The following CSMD1 variants were observed in gnomAD, a reference collection of about 807,000 sequenced individuals.
The protein encoded by CSMD1 is CUB and sushi domain-containing protein 1.
In CSMD1, 213 loss-of-function variants were observed where a neutral mutation model predicts 417.5. The observed-to-expected ratio is 0.51, with a 90% CI of 0.46 to 0.57. The LOEUF is 0.57. Among genes scored for constraint, CSMD1 ranks in the 20% least tolerant of loss-of-function variants. The pLI is 0.00. For missense variants in CSMD1, 6,923 were observed against 4,529.7 expected, an observed-to-expected ratio of 1.53 and a Z score of -15.17; for synonymous variants, 2,862 against 1,736.8, an observed-to-expected ratio of 1.65 and a Z score of -16.11.
chr8:2,974,739 A>T (rs1442232581), intron 55 of CSMD1, 115 bp from the exon 56 acceptor site: 1 of 593,128 alleles, frequency 1.7e-6, no homozygotes, highest in African/African-American at 1.9e-5. Context: ...AAAACACCTA[A>T]ATATTCTGGT....
chr8:3,648,791 CTT>C (rs1370555329), intron 7 of CSMD1, among the ~76,000 whole-genome samples: 4 of 151,778 alleles, frequency 2.6e-5, no homozygotes, highest in African/African-American at 9.7e-5. Context: ...TAAAACCTAT[CTT>C]TACGCGGCAC....
Position 3,348,040 on chromosome 8 carries a change from G to A in CSMD1, c.3426C>T (p.Ile1142=). Residue 1142 remains isoleucine, a synonymous_variant, in exon 22 of 70, where the codon ATC becomes ATT. Coordinates refer to ENST00000635120, the MANE Select transcript of CSMD1 (RefSeq NM_033225.6). ...YKIETEAGKG[I]HLRTRSFQLF... ...GCTGGAAGCTTCGTGTTCTAAGGTG[G>A]ATGCCCTTGCCGGCTTCTGTTTCTA... is the stretch of plus-strand genomic sequence containing the variant. The A allele has an allele frequency of 3.1e-6, 5 of 1,610,114 alleles. No individual in the cohort carries two copies. Among genetic ancestry groups the A allele is most frequent in the Non-Finnish European group, 4.2e-6 (5 of 1,178,002 alleles).
At chr8:4,320,108 C>T (rs1358271341) in intron 3 of CSMD1, among the ~76,000 whole-genome samples, 1 of 152,026 alleles carries the variant, frequency 6.6e-6, no homozygotes, top group South Asian at 2.1e-4. Flanking sequence ...AAAATCCAAC[C>T]CTTTGCAAGT....
At chr8:4,360,516 G>A (rs1233306877) in intron 3 of CSMD1, among the ~76,000 whole-genome samples, 1 of 152,296 alleles carries the variant, frequency 6.6e-6, no homozygotes, top group South Asian at 2.1e-4. Context: ...TTGAGATGGA[G>A]TCTGGCTCTG....
intron 4 of CSMD1, among the ~76,000 whole-genome samples, chr8:4,015,242 C>T (rs1219683182): frequency 2.0e-5 from 3 of 152,064 alleles, no homozygotes; most frequent in Non-Finnish European, 4.4e-5. Flanking sequence ...ACAATGTTAC[C>T]GCTGAAACAT....
At chr8:4,558,191 G>C (rs1414173248) in intron 2 of CSMD1, among the ~76,000 whole-genome samples, 2 of 152,146 alleles carry the variant, frequency 1.3e-5, no homozygotes, top group East Asian at 3.9e-4. Context: ...CTAAACAAGA[G>C]CAGGATGTGA....
intron 8 of CSMD1, among the ~76,000 whole-genome samples, chr8:3,589,064 A>C (rs910833814): frequency 6.6e-6 from 1 of 152,190 alleles, no homozygotes; most frequent in African/African-American, 2.4e-5. Flanking sequence ...GCTATTATCA[A>C]AAAGACAAAA....
chr8:4,839,926 C>G (rs1800737742), intron 1 of CSMD1, among the ~76,000 whole-genome samples: 1 of 152,198 alleles, frequency 6.6e-6, no homozygotes, highest in South Asian at 2.1e-4. Context: ...CTCAATACAA[C>G]TCTACAACAC....
At chr8:3,492,948 T>A (rs1796194377) in intron 11 of CSMD1, among the ~76,000 whole-genome samples, 1 of 152,044 alleles carries the variant, frequency 6.6e-6, no homozygotes, top group Admixed American at 6.6e-5. Flanking sequence ...CTGTACCTCT[T>A]TAAAAACCCT....
chr8:2,945,202 TA>T (rs1802141490), intron 68 of CSMD1, among the ~76,000 whole-genome samples: 2 of 152,228 alleles, frequency 1.3e-5, no homozygotes, highest in African/African-American at 4.8e-5. Context: ...TTGAGGGTTT[TA>T]AAAATTGTCC....
intron 3 of CSMD1, among the ~76,000 whole-genome samples, chr8:4,326,377 G>T (rs148980562): frequency 2.0e-5 from 3 of 152,126 alleles, no homozygotes; most frequent in African/African-American, 7.2e-5. Context: ...CCAATGTGGC[G>T]AGAGGCACTC....
At chr8:3,165,704 A>C (rs1307924959) in intron 37 of CSMD1, among the ~76,000 whole-genome samples, 2 of 152,106 alleles carry the variant, frequency 1.3e-5, no homozygotes, top group Non-Finnish European at 2.9e-5. Flanking sequence ...AAGTGCTGGG[A>C]GAACGGTGGT....
chr8:3,479,813 G>T (rs561947569), intron 11 of CSMD1, among the ~76,000 whole-genome samples: 2 of 151,768 alleles, frequency 1.3e-5, no homozygotes, highest in Non-Finnish European at 2.9e-5. Context: ...TTAAAGCCAG[G>T]TCGCTTAAAA....
chr8:3,435,004 G>A (rs1025899504), intron 12 of CSMD1, among the ~76,000 whole-genome samples: 3 of 149,276 alleles, frequency 2.0e-5, no homozygotes, highest in African/African-American at 7.3e-5. Flanking sequence ...AGACAGGACA[G>A]GGAGCTGGTA....
intron 49 of CSMD1, among the ~76,000 whole-genome samples, chr8:3,060,195 G>C (rs552722769): frequency 6.7e-6 from 1 of 148,534 alleles, no homozygotes; most frequent in South Asian, 2.1e-4. Context: ...GCCCAGGCTG[G>C]AGTGCAGTGG....
At chr8:4,396,507 CA>C (rs1804226656) in intron 3 of CSMD1, among the ~76,000 whole-genome samples, 1 of 151,898 alleles carries the variant, frequency 6.6e-6, no homozygotes, top group African/African-American at 2.4e-5. Context: ...TATCGATTGC[CA>C]AAAGCATACG....
chr8:3,387,318 G>A (rs184264620), intron 18 of CSMD1, among the ~76,000 whole-genome samples, 176 bp downstream of exon 18: 1 of 152,288 alleles, frequency 6.6e-6, no homozygotes, highest in East Asian at 1.9e-4. Flanking sequence ...ATACACGGTG[G>A]TAGGTAAACT....
intron 1 of CSMD1, chr8:4,788,685 A>T (rs958938993): frequency 2.3e-5 from 13 of 561,640 alleles, no homozygotes; most frequent in Admixed American, 1.7e-4. Context: ...TAAATTAGAG[A>T]ACACAAATAA....
intron 26 of CSMD1, among the ~76,000 whole-genome samples, chr8:3,271,037 C>T (rs574349916): frequency 6.6e-6 from 1 of 151,736 alleles, no homozygotes; most frequent in East Asian, 1.9e-4. Context: ...ACTAACTTGT[C>T]ATCTAGCAAT....
Sources: gnomAD v4.1 joint callset for allele counts (sites outside exome capture counted in the v4.1 genomes callset) on GRCh38, gnomAD v4.1.1 for gene constraint, MANE v1.5 for transcripts, NCBI Gene and HGNC (gene_info 2026-07-23, HGNC 2026-07-21) for gene names.